TLK1: variants seen among roughly 807,000 people sequenced by gnomAD.
The protein encoded by TLK1 is serine/threonine-protein kinase tousled-like 1.
In TLK1, 24 loss-of-function variants were observed where a neutral mutation model predicts 105.3. The observed-to-expected ratio is 0.23, with a 90% CI of 0.17 to 0.32. TLK1 has a LOEUF of 0.32. Ranked by LOEUF, TLK1 falls within the 10% of genes least tolerant of loss-of-function variation. The pLI is 1.00. For synonymous variants in TLK1, 321 were observed against 310.4 expected, an observed-to-expected ratio of 1.03 and a Z score of -0.36; for missense variants, 558 against 910.5, an observed-to-expected ratio of 0.61 and a Z score of 4.98.
intron 3 of TLK1, among the ~76,000 whole-genome samples, chr2:171,064,396 A>C (rs1687895284): frequency 6.6e-6 from 1 of 152,180 alleles, no homozygotes; most frequent in Admixed American, 6.6e-5. Context: ...ACAGCTTTTA[A>C]AAAAAACTAC....
chr2:171,224,917 T>C (rs1693871889), intron 1 of TLK1, among the ~76,000 whole-genome samples: 1 of 152,210 alleles, frequency 6.6e-6, no homozygotes, highest in Admixed American at 6.5e-5. Context: ...TTACAGTTAA[T>C]TGATTTTTTC....
At chr2:171,016,880 T>C (rs898665672) in intron 12 of TLK1, among the ~76,000 whole-genome samples, 1 of 152,172 alleles carries the variant, frequency 6.6e-6, no homozygotes, top group Non-Finnish European at 1.5e-5. Context: ...GATTTGATAT[T>C]ACATGGCAAA....
rs371816388 is a variant in TLK1, at chr2:171,020,270, G to A, written c.1237-5322C>T. 7.2e-5 allele frequency among the ~76,000 whole-genome samples: 11 copies of A among 151,880 alleles called. No individual in the cohort carries two copies. The South Asian group carries it at 8.3e-4, about 12-fold the overall frequency. ...TAAAATCTAATTAAGGGCCAGGTGC[G>A]GTGGCTCATGCCTATAATCCCAGCA... On this transcript the variant is annotated intron_variant, in intron 12 of 20. Transcript: ENST00000431350.
intron 11 of TLK1, among the ~76,000 whole-genome samples, chr2:171,033,510 G>A (rs868145115): frequency 6.6e-6 from 1 of 151,130 alleles, no homozygotes; most frequent in African/African-American, 2.4e-5. Flanking sequence ...GGTAACACAA[G>A]AGGATGACAA....
chr2:171,225,525 G>C (rs150913304), intron 1 of TLK1, among the ~76,000 whole-genome samples: 25 of 152,184 alleles, frequency 1.6e-4, no homozygotes, highest in African/African-American at 5.8e-4. Context: ...CTGGTAGGAA[G>C]GTGCAATGGC....
chr2:171,004,519 T>C (rs1262391790), intron 18 of TLK1, among the ~76,000 whole-genome samples: 2 of 152,204 alleles, frequency 1.3e-5, no homozygotes, highest in Admixed American at 1.3e-4. Flanking sequence ...ACAATGCCAT[T>C]ATTGTATCTC....
At chr2:171,213,153 C>T (rs148572249) in intron 1 of TLK1, among the ~76,000 whole-genome samples, 1 of 151,722 alleles carries the variant, frequency 6.6e-6, no homozygotes, top group African/African-American at 2.4e-5. Context: ...AGTCTGGCTC[C>T]GCTAGACTAC....
chr2:171,021,125 A>C (rs968661411), intron 12 of TLK1, among the ~76,000 whole-genome samples: 2 of 152,178 alleles, frequency 1.3e-5, no homozygotes, highest in Non-Finnish European at 2.9e-5. Context: ...AATACCCGTA[A>C]CTTGGAATGA....
At chr2:171,125,699 AT>A (rs1690840932) in intron 1 of TLK1, among the ~76,000 whole-genome samples, 1 of 152,190 alleles carries the variant, frequency 6.6e-6, no homozygotes. Flanking sequence ...TGAAATTCAA[AT>A]TTCACATGTC....
intron 11 of TLK1, among the ~76,000 whole-genome samples, chr2:171,036,860 T>C (rs1287387671): frequency 6.6e-6 from 1 of 152,180 alleles, no homozygotes; most frequent in Non-Finnish European, 1.5e-5. Flanking sequence ...GAATGTACTC[T>C]GCATGTGGAA....
chr2:171,221,931 G>A (rs762703413), intron 1 of TLK1, among the ~76,000 whole-genome samples: 110 of 152,302 alleles, frequency 7.2e-4, no homozygotes, highest in African/African-American at 2.5e-3. Flanking sequence ...GGGTTAGGGC[G>A]TCAGCATATG....
At chr2:171,067,791 G>A (rs1045405582) in intron 3 of TLK1, among the ~76,000 whole-genome samples, 9 of 151,778 alleles carry the variant, frequency 5.9e-5, no homozygotes, top group Admixed American at 5.3e-4. Context: ...GCCCTGTTAT[G>A]TGAAGTCCCC....
intron 3 of TLK1, among the ~76,000 whole-genome samples, chr2:171,062,742 C>T (rs1345914342): frequency 6.6e-6 from 1 of 152,086 alleles, no homozygotes; most frequent in Non-Finnish European, 1.5e-5. Flanking sequence ...TCTATGATAT[C>T]CTACATCAAG....
At chr2:170,998,794 G>A (rs1684209500) in intron 18 of TLK1, among the ~76,000 whole-genome samples, 1 of 151,888 alleles carries the variant, frequency 6.6e-6, no homozygotes, top group African/African-American at 2.4e-5. Flanking sequence ...TTTGATACAG[G>A]GTCCAACTCT....
intron 1 of TLK1, among the ~76,000 whole-genome samples, chr2:171,217,840 ATTGT>A (rs1365961220): frequency 2.0e-5 from 3 of 152,242 alleles, no homozygotes; most frequent in Non-Finnish European, 2.9e-5. Flanking sequence ...TGTGACTAAA[ATTGT>A]TTGTGTACAT....
chr2:171,228,741 CTT>C (rs1693941920), intron 1 of TLK1, among the ~76,000 whole-genome samples: 1 of 152,038 alleles, frequency 6.6e-6, no homozygotes, highest in Non-Finnish European at 1.5e-5. Flanking sequence ...CTGACTGTCT[CTT>C]TTTTAGCCTA....
chr2:171,024,514 T>A (rs1464564204), intron 12 of TLK1, among the ~76,000 whole-genome samples: 1 of 152,032 alleles, frequency 6.6e-6, no homozygotes, highest in Non-Finnish European at 1.5e-5. Context: ...AAAAGAAAAC[T>A]TAAGGAAAAG....
At chr2:171,002,141 T>C (rs1208646123) in intron 18 of TLK1, among the ~76,000 whole-genome samples, 2 of 152,180 alleles carry the variant, frequency 1.3e-5, no homozygotes, top group South Asian at 2.1e-4. Context: ...CCTGTTATCT[T>C]GACATTTTAA....
At chr2:171,114,547 A>G (rs937323143) in intron 2 of TLK1, among the ~76,000 whole-genome samples, 9 of 152,094 alleles carry the variant, frequency 5.9e-5, no homozygotes, top group African/African-American at 2.2e-4. Context: ...TAGAAACTAA[A>G]AAAGGTGGCC....
Sources: allele counts gnomAD v4.1 joint callset (sites outside exome capture counted in the v4.1 genomes callset), GRCh38; gene constraint gnomAD v4.1.1; transcripts MANE v1.5; gene names NCBI Gene and HGNC (gene_info 2026-07-23, HGNC 2026-07-21).